The following FOXN2 variants were observed in gnomAD, a reference collection of about 807,000 sequenced individuals.
FOXN2 encodes forkhead box protein N2.
FOXN2 carries 19 observed loss-of-function variants against 41.2 expected under a neutral mutation model. That is an observed-to-expected ratio of 0.46 (90% CI 0.32 to 0.68). FOXN2 has a LOEUF of 0.68. Ranked by LOEUF, FOXN2 falls within the 30% of genes least tolerant of loss-of-function variation. The probability of loss-of-function intolerance (pLI) is 0.03; values close to 1 mark genes in which losing one functional copy is unlikely to be tolerated. For synonymous variants in FOXN2, 195 were observed against 176.8 expected (o/e 1.10, Z -0.82); for missense variants, 587 against 509.4 (o/e 1.15, Z -1.47).
intron 2 of FOXN2, among the ~76,000 whole-genome samples, chr2:48,337,087 C>G (rs1208054466): frequency 1.3e-5 from 2 of 151,712 alleles, no homozygotes; most frequent in African/African-American, 4.8e-5. Context: ...TTAACCACCC[C>G]CACCTCCCTC....
At chr2:48,367,603 A>T (rs1672614765) in intron 5 of FOXN2, among the ~76,000 whole-genome samples, 1 of 152,234 alleles carries the variant, frequency 6.6e-6, no homozygotes, top group African/African-American at 2.4e-5. Flanking sequence ...GAGACAATAA[A>T]TCCTTTTGTA....
At position 48,346,756 on chromosome 2, in the gene FOXN2, G is replaced by A. The variant is rs79073127; in HGVS notation, c.537+5G>A. 6.4e-7 allele frequency: 1 copy of A among 1,569,534 alleles called. No homozygotes were observed. Among genetic ancestry groups the A allele is most frequent in the Non-Finnish European group, 8.6e-7 (1 of 1,163,270 alleles). ...GTGGAAAGAAGCCATGGCAAGGTCAGTGTTTATGAACATTGCTATATTTGG... is the reference window on the plus strand; with the variant it reads ...GTGGAAAGAAGCCATGGCAAGGTCAATGTTTATGAACATTGCTATATTTGG... On this transcript the variant is annotated splice_donor_5th_base_variant and intron_variant, in intron 3 of 6. Coordinates refer to ENST00000340553, the MANE Select transcript of FOXN2 (RefSeq NM_002158.4).
intron 2 of FOXN2, among the ~76,000 whole-genome samples, chr2:48,345,552 C>G (rs560818188): frequency 4.6e-5 from 7 of 152,216 alleles, no homozygotes; most frequent in South Asian, 4.2e-4. Context: ...TTAGCCTGAT[C>G]TAATCATTTC....
intron 5 of FOXN2, among the ~76,000 whole-genome samples, chr2:48,366,541 G>A (rs112220307): frequency 4.6e-5 from 7 of 152,200 alleles, no homozygotes; most frequent in African/African-American, 7.2e-5. Flanking sequence ...GGTCATTTGC[G>A]TGGGCAAGGC....
intron 1 of FOXN2, among the ~76,000 whole-genome samples, 186 bp downstream of exon 1, chr2:48,315,000 C>T (rs753023468): frequency 6.6e-6 from 1 of 152,010 alleles, no homozygotes; most frequent in African/African-American, 2.4e-5. Context: ...GGGGTGTCCC[C>T]GGCGCGCGTA....
chr2:48,372,423 T>C (rs1006873482), intron 5 of FOXN2, among the ~76,000 whole-genome samples: 1 of 152,176 alleles, frequency 6.6e-6, no homozygotes, highest in Non-Finnish European at 1.5e-5. Flanking sequence ...CTTTGAGATA[T>C]AGATTAGAAA....
chr2:48,332,972 A>C (rs561685386), intron 2 of FOXN2, among the ~76,000 whole-genome samples: 4 of 151,022 alleles, frequency 2.6e-5, no homozygotes, highest in Admixed American at 1.3e-4. Flanking sequence ...ATATCAAGGT[A>C]AATGATTTAG....
intron 4 of FOXN2, among the ~76,000 whole-genome samples, chr2:48,360,383 A>G (rs1672092954): frequency 6.6e-6 from 1 of 152,226 alleles, no homozygotes; most frequent in African/African-American, 2.4e-5. Context: ...AGTAGAGAGA[A>G]AGTTATAATG....
rs1207103686 is a variant in FOXN2 at position 48,374,921 on chromosome 2, T to C, written c.774T>C (p.Cys258=). 6.2e-7 allele frequency: 1 copy of C among 1,605,568 alleles called. No individual in the cohort carries two copies. Residue 258 remains cysteine (C), a splice_region_variant and synonymous_variant, in exon 7 of 7, where the codon TGT becomes TGC. Coordinates refer to ENST00000340553, the MANE Select transcript of FOXN2 (RefSeq NM_002158.4). ...TGATGGAACTTTTATTTTCCACAGG[T>C]GAGAAGCCTCTTCCTCTTAAAACAG... ...NTSIEQGILE[C]EKPLPLKTAL...
At chr2:48,345,414 T>A (rs1345857802) in intron 2 of FOXN2, among the ~76,000 whole-genome samples, 2 of 152,110 alleles carry the variant, frequency 1.3e-5, no homozygotes, top group Non-Finnish European at 2.9e-5. Flanking sequence ...AGGAGTAAGT[T>A]CTAGTGACCT....
intron 3 of FOXN2, among the ~76,000 whole-genome samples, chr2:48,348,289 C>G (rs558975796): frequency 2.6e-5 from 4 of 152,068 alleles, no homozygotes; most frequent in African/African-American, 9.6e-5. Flanking sequence ...TCTATAGGTT[C>G]ACCGTTTTTC....
chr2:48,330,973 GGTAC>G (rs1243158198), intron 2 of FOXN2, among the ~76,000 whole-genome samples: 1 of 152,036 alleles, frequency 6.6e-6, no homozygotes, highest in Non-Finnish European at 1.5e-5. Flanking sequence ...CAGGCCCCTT[GGTAC>G]AGTTATTCAA....
upstream of FOXN2, among the ~76,000 whole-genome samples, chr2:48,313,760 C>T (rs562607579): frequency 2.0e-5 from 3 of 152,150 alleles, no homozygotes; most frequent in Admixed American, 6.6e-5. Context: ...CCTCCGTTTC[C>T]GTATCTGTAA....
chr2:48,314,769 A>G lies in FOXN2; in HGVS notation c.-202A>G, dbSNP rs1312444715. 2.0e-5 allele frequency: 3 copies of G among 152,058 alleles called. No individual in the cohort carries two copies. The highest frequency in any genetic ancestry group is 4.8e-5 in the African/African-American group (2 of 41,388). 9.4% of individuals were successfully genotyped at this position (152,058 alleles called of 1,614,324 possible). ...GGGAACAGCTGCGGTGCTCTGCCATATTGTGTCTTCCCCGGCCGGTCCCTC... is the reference window on the plus strand; with the variant it reads ...GGGAACAGCTGCGGTGCTCTGCCATGTTGTGTCTTCCCCGGCCGGTCCCTC... On this transcript the variant is annotated 5_prime_UTR_variant, in exon 1 of 7. It adds an upstream start codon to the 5' untranslated region. Coordinates refer to ENST00000340553, the MANE Select transcript of FOXN2 (RefSeq NM_002158.4).
At chr2:48,320,055 T>A (rs1374495192) in intron 1 of FOXN2, among the ~76,000 whole-genome samples, 1 of 152,106 alleles carries the variant, frequency 6.6e-6, no homozygotes, top group African/African-American at 2.4e-5. Flanking sequence ...TGTTTCTTTT[T>A]CTTAAAAGAG....
intron 1 of FOXN2, among the ~76,000 whole-genome samples, chr2:48,315,303 CG>C (rs1227634181): frequency 6.6e-6 from 1 of 152,184 alleles, no homozygotes; most frequent in African/African-American, 2.4e-5. Context: ...TCGGAGTCCT[CG>C]TCCGGCCCCA....
chr2:48,322,721 GATATAT>G (rs562547006), intron 1 of FOXN2, among the ~76,000 whole-genome samples: 1 of 147,146 alleles, frequency 6.8e-6, no homozygotes, highest in Non-Finnish European at 1.5e-5. Flanking sequence ...TGATATATTT[GATATAT>G]ATATAATACA....
Position 48,346,648 on chromosome 2 carries a change from A to T in FOXN2, c.434A>T (p.His145Leu). The change falls in exon 3 of 7, where the codon CAT (histidine) becomes CTT (leucine). Residue 145 changes from histidine to leucine, a missense_variant. Coordinates refer to ENST00000340553, the MANE Select transcript of FOXN2 (RefSeq NM_002158.4). ...GAAATTTATAGCTGGATTCTGGACC[A>T]TTTTCCATATTTTGCTACTGCACCA... ...VKEIYSWILD[H>L]FPYFATAPTG... 6.2e-7 allele frequency: 1 copy of T among 1,614,090 alleles called. No homozygotes were observed. Among genetic ancestry groups the T allele is most frequent in the Non-Finnish European group, 8.5e-7 (1 of 1,180,004 alleles).
chr2:48,370,354 C>A (rs1279638991), intron 5 of FOXN2, among the ~76,000 whole-genome samples: 1 of 152,144 alleles, frequency 6.6e-6, no homozygotes, highest in Non-Finnish European at 1.5e-5. Flanking sequence ...TTTTTGCTAG[C>A]CTCTTGGATG....
Sources: allele counts gnomAD v4.1 joint callset (sites outside exome capture counted in the v4.1 genomes callset), GRCh38; gene constraint gnomAD v4.1.1; transcripts MANE v1.5; gene names NCBI Gene and HGNC (gene_info 2026-07-23, HGNC 2026-07-21).